Variants in EDA observed in about 807,000 individuals in gnomAD.
EDA encodes the protein ectodysplasin A.
Under a neutral mutation model 23.6 loss-of-function variants are expected in EDA, and 2 were observed. The observed-to-expected ratio is 0.08, with a 90% CI of 0.03 to 0.27. The LOEUF is 0.27. Ranked by LOEUF, EDA falls within the 10% of genes least tolerant of loss-of-function variation. The probability of loss-of-function intolerance (pLI) is 1.00; values close to 1 mark genes in which losing one functional copy is unlikely to be tolerated. For synonymous variants in EDA, 131 were observed against 132.0 expected (o/e 0.99, Z 0.05); for missense variants, 229 against 324.2 (o/e 0.71, Z 2.26).
At chrX:69,964,582 G>A (rs1004375873) in intron 2 of EDA, among the ~76,000 whole-genome samples, 2 of 111,746 alleles carry the variant, frequency 1.8e-5, no homozygotes, top group African/African-American at 3.3e-5. Flanking sequence ...TAAATACTAA[G>A]GGTTTCAATT....
intron 1 of EDA, among the ~76,000 whole-genome samples, chrX:69,711,381 T>C (rs1218867950): frequency 9.0e-6 from 1 of 111,697 alleles, no homozygotes; most frequent in Admixed American, 9.5e-5. Flanking sequence ...GATGTGCTGC[T>C]GGATTCAGTT....
At chrX:69,843,751 G>A (rs771846080) in intron 1 of EDA, among the ~76,000 whole-genome samples, 10 of 111,320 alleles carry the variant, frequency 9.0e-5, no homozygotes, top group African/African-American at 2.6e-4. Flanking sequence ...AGCCGGGTGC[G>A]GTGGCTCACG....
chrX:69,646,126 T>C (rs1422397079), intron 1 of EDA, among the ~76,000 whole-genome samples: 1 of 111,564 alleles, frequency 9.0e-6, no homozygotes, highest in East Asian at 2.8e-4. Context: ...AATTTTAGAG[T>C]AACTGCCATG....
At chrX:69,848,077 AT>A (rs1569353995) in intron 1 of EDA, among the ~76,000 whole-genome samples, 1 of 111,364 alleles carries the variant, frequency 9.0e-6, no homozygotes, top group African/African-American at 3.3e-5. Flanking sequence ...TTAATTTTAC[AT>A]TTTCCTAATG....
intron 1 of EDA, among the ~76,000 whole-genome samples, chrX:69,660,657 C>A (rs186798469): frequency 4.9e-4 from 55 of 111,406 alleles, no homozygotes; most frequent in Non-Finnish European, 7.7e-4. Flanking sequence ...CATGTCCCTA[C>A]AAAGGGCAGG....
At chrX:69,679,907 G>T (rs1271520948) in intron 1 of EDA, among the ~76,000 whole-genome samples, 1 of 105,432 alleles carries the variant, frequency 9.5e-6, no homozygotes, top group Admixed American at 1.0e-4. Flanking sequence ...TTTTAATTGT[G>T]ATGTTAGGGT....
chrX:69,763,946 T>C (rs1317386115), intron 1 of EDA, among the ~76,000 whole-genome samples: 2 of 111,542 alleles, frequency 1.8e-5, no homozygotes, highest in Non-Finnish European at 3.8e-5. Flanking sequence ...AGCGTTGACC[T>C]GCTAGAGTCC....
At chrX:69,971,723 T>C (rs1028341211) in intron 2 of EDA, among the ~76,000 whole-genome samples, 1 of 110,783 alleles carries the variant, frequency 9.0e-6, no homozygotes, top group African/African-American at 3.3e-5. Flanking sequence ...GCCTTTTTCA[T>C]GTGCTTCTCG....
At chrX:70,013,742 G>C (rs748553081) in intron 2 of EDA, among the ~76,000 whole-genome samples, 1 of 104,140 alleles carries the variant, frequency 9.6e-6, no homozygotes, top group Non-Finnish European at 2.0e-5. Context: ...TCCCAGAGAC[G>C]ACTGAAAGCC....
At chrX:69,802,351 C>A (rs1467105358) in intron 1 of EDA, among the ~76,000 whole-genome samples, 1 of 108,003 alleles carries the variant, frequency 9.3e-6, no homozygotes, top group Non-Finnish European at 1.9e-5. Context: ...ATATATAATT[C>A]TATGTAGTAT....
chrX:69,642,084 A>G (rs925130422), intron 1 of EDA, among the ~76,000 whole-genome samples: 19 of 111,532 alleles, frequency 1.7e-4, no homozygotes, highest in Non-Finnish European at 1.9e-5. Flanking sequence ...ACTGCCAGAA[A>G]TAATAGTAGT....
intron 1 of EDA, among the ~76,000 whole-genome samples, chrX:69,663,706 C>T (rs1196090668): frequency 8.9e-6 from 1 of 111,896 alleles, no homozygotes; most frequent in Non-Finnish European, 1.9e-5. Flanking sequence ...GTACTGTGTA[C>T]CTAGAAAAGC....
chrX:70,003,728 G>A (rs1001326088), intron 2 of EDA, among the ~76,000 whole-genome samples: 9 of 112,012 alleles, frequency 8.0e-5, no homozygotes, highest in Admixed American at 1.9e-4. Flanking sequence ...GGGAAATGCT[G>A]CATTTCATAT....
At position 69,856,254 on chromosome X, in the gene EDA, G is replaced by GGTGGGTGT. The variant is rs1384466036; in HGVS notation, c.397-100770_397-100769insGGTGTGTG. ...TTTTTATGGCTGAGTAGTATTCCATGGTGTGTGTGTGTGTGTGTGTGTGTG... is the reference window on the plus strand; with the variant it reads ...TTTTTATGGCTGAGTAGTATTCCATGGTGGGTGTGTGTGTGTGTGTGTGTGTGTGTGTG... On this transcript the variant is annotated intron_variant, in intron 1 of 7. Transcript: ENST00000374552. Among the ~76,000 whole-genome samples, 360 of 74,939 alleles carry GGTGGGTGT rather than the reference G, an allele frequency of 4.8e-3. 2 individuals carry two copies. The highest frequency in any genetic ancestry group is 0.014 in the African/African-American group (286 of 20,094). 65.1% of individuals were successfully genotyped at this position (74,939 alleles called of 115,157 possible). A position where few individuals can be genotyped will look rare whatever the true frequency, so the allele number is the denominator to read the frequency against.
intron 1 of EDA, among the ~76,000 whole-genome samples, chrX:69,830,604 C>T (rs1264742115): frequency 1.8e-5 from 2 of 111,991 alleles, no homozygotes; most frequent in Admixed American, 9.5e-5. Context: ...AACTAATACT[C>T]GTGTAATAAC....
chrX:69,871,444 A>C (rs779083192), intron 1 of EDA, among the ~76,000 whole-genome samples: 80 of 111,663 alleles, frequency 7.2e-4, no homozygotes, highest in African/African-American at 2.4e-3. Flanking sequence ...AAAACGGAAG[A>C]ACTTGGAACT....
chrX:69,929,704 TTTTGTGTGTGTG>T (rs1424003905), intron 1 of EDA, among the ~76,000 whole-genome samples: 7 of 64,381 alleles, frequency 1.1e-4, no homozygotes, highest in East Asian at 2.8e-3. Flanking sequence ...TTCATTCTAT[TTTTGTGTGTGTG>T]TGTGTGTGTG....
At chrX:69,904,584 A>C (rs1434332520) in intron 1 of EDA, among the ~76,000 whole-genome samples, 1 of 111,944 alleles carries the variant, frequency 8.9e-6, no homozygotes, top group African/African-American at 3.3e-5. Context: ...TCCTGGACTT[A>C]AGTGATCTTC....
intron 1 of EDA, among the ~76,000 whole-genome samples, chrX:69,728,190 G>A (rs2012879766): frequency 9.3e-6 from 1 of 107,745 alleles, no homozygotes; most frequent in Admixed American, 9.9e-5. Flanking sequence ...GTTTCGGTGA[G>A]CTGTCATCAC....
Sources: gnomAD v4.1 joint callset for allele counts (sites outside exome capture counted in the v4.1 genomes callset) on GRCh38, gnomAD v4.1.1 for gene constraint, MANE v1.5 for transcripts, NCBI Gene and HGNC (gene_info 2026-07-23, HGNC 2026-07-21) for gene names.